Variants in TDRD12 observed in about 807,000 individuals in gnomAD.
TDRD12 encodes tudor domain containing 12.
In TDRD12, 158 loss-of-function variants were observed where a neutral mutation model predicts 133.5. That is an observed-to-expected ratio of 1.18 (90% CI 1.04 to 1.35). The LOEUF (loss-of-function observed/expected upper bound fraction) is 1.35. Among genes scored for constraint, TDRD12 ranks in the 40% most tolerant of loss-of-function variants. The pLI, the probability that TDRD12 is intolerant of heterozygous loss-of-function variation, is 0.00. For missense variants in TDRD12, 1,443 were observed against 1,321.3 expected, an observed-to-expected ratio of 1.09 and a Z score of -1.43; for synonymous variants, 460 against 477.9, an observed-to-expected ratio of 0.96 and a Z score of 0.49.
At position 32,753,922 on chromosome 19, in the gene TDRD12, AT is replaced by A. The variant is rs199559241; in HGVS notation, c.583-2068del. Among the ~76,000 whole-genome samples the A allele has an allele frequency of 3.5e-3, 528 of 152,138 alleles. 9 individuals carry two copies. Among genetic ancestry groups the A allele is most frequent in the Non-Finnish European group, 9.7e-4 (66 of 67,990 alleles). The stretch of plus-strand genomic sequence containing the variant: ...TGTATTCACATTAAGTAATTTCAGG[AT>A]TGCTAACCCACACTCCTGTGAAAAC... On this transcript the variant is annotated intron_variant, in intron 6 of 27. Coordinates refer to ENST00000444215, the Ensembl canonical transcript of TDRD12.
chr19:32,797,891 T>C (rs1971277163), exon 15 of TDRD12: 1 of 691,102 alleles, frequency 1.4e-6, no homozygotes, highest in Admixed American at 2.2e-5. Flanking sequence ...TCCAAGGGGC[T>C]GTAAGTATCC....
At chr19:32,765,726 CG>C (rs933100245) in intron 8 of TDRD12, among the ~76,000 whole-genome samples, 1 of 93,332 alleles carries the variant, frequency 1.1e-5, no homozygotes, top group African/African-American at 4.2e-5. Flanking sequence ...CATCACACAC[CG>C]GGGGCCTGTT....
chr19:32,720,068 G>C (rs1274952321), exon 1 of TDRD12: 1 of 1,548,564 alleles, frequency 6.5e-7, no homozygotes, highest in Admixed American at 2.0e-5. Context: ...TCGGGCGCCA[G>C]GAGGATGCTC....
In TDRD12 at chr19:32,757,065, A is replaced by C. The variant is rs921316854; in HGVS notation, c.800A>C (p.Gln267Pro). ...TCACATGGTGTAAATTTTCCGGCACAATCTCTGCAACATACATGGTGCAAG... is the reference window on the plus strand; with the variant it reads ...TCACATGGTGTAAATTTTCCGGCACCATCTCTGCAACATACATGGTGCAAG... The change falls in exon 8 of 28, where the codon CAA (glutamine) becomes CCA (proline). Residue 267 changes from glutamine (Q) to proline (P), a missense_variant. Transcript: ENST00000444215. The C allele has an allele frequency of 2.6e-6, 4 of 1,551,790 alleles. No homozygotes were observed. In the African/African-American group the frequency reaches 4.1e-5, roughly 16 times the overall value.
At chr19:32,743,050 C>A in intron 4 of TDRD12, 150 bp downstream of exon 4, 2 of 1,013,918 alleles carry the variant, frequency 2.0e-6, no homozygotes, top group South Asian at 1.8e-5. Context: ...TTTGTCTGAC[C>A]TGGCTGTGGT....
intron 14 of TDRD12, among the ~76,000 whole-genome samples, chr19:32,795,223 C>CT (rs1971189788): frequency 6.6e-6 from 1 of 151,354 alleles, no homozygotes; most frequent in African/African-American, 2.4e-5. Flanking sequence ...ATCCCAGCTA[C>CT]TTGGGAGGCT....
rs1971584285 is a variant in TDRD12, at chr19:32,807,371, C to T, written c.2553-178C>T. ...TTAATTAAAATGTAAAATCCATTTT[C>T]ACTTATTTGTATATTATTAATGTCA... On this transcript the variant is annotated intron_variant, in intron 21 of 27. Coordinates refer to ENST00000444215, the Ensembl canonical transcript of TDRD12. Among the ~76,000 whole-genome samples the T allele has an allele frequency of 2.7e-5, 4 of 147,014 alleles. No individual in the cohort carries two copies. The South Asian group carries it at 8.8e-4, about 32-fold the overall frequency.
intron 1 of TDRD12, among the ~76,000 whole-genome samples, chr19:32,723,575 T>C (rs1193082611): frequency 6.6e-6 from 1 of 151,604 alleles, no homozygotes; most frequent in East Asian, 1.9e-4. Context: ...TGAAGTCAGG[T>C]GATATGAGTC....
At chr19:32,823,617 G>A (rs764715991), downstream of TDRD12, among the ~76,000 whole-genome samples, 5 of 152,166 alleles carry the variant, frequency 3.3e-5, no homozygotes, top group Admixed American at 6.5e-5. Context: ...GCACATACAC[G>A]TTCTCTTCAT....
At chr19:32,804,468 C>A (rs1971486403) in intron 21 of TDRD12, among the ~76,000 whole-genome samples, 1 of 150,380 alleles carries the variant, frequency 6.6e-6, no homozygotes, top group South Asian at 2.1e-4. Flanking sequence ...CCGAGGCAGG[C>A]AGATCACAAG....
intron 8 of TDRD12, 89 bp downstream of exon 8, chr19:32,757,219 C>T: frequency 1.9e-6 from 2 of 1,054,008 alleles, no homozygotes; most frequent in South Asian, 2.9e-5. Context: ...TCTAGAAAGG[C>T]CATGGTAATT....
At chr19:32,737,136 T>C (rs780844502) in intron 2 of TDRD12, among the ~76,000 whole-genome samples, 3 of 152,202 alleles carry the variant, frequency 2.0e-5, no homozygotes, top group Non-Finnish European at 4.4e-5. Flanking sequence ...CACACCATCA[T>C]AATGTTGAAA....
chr19:32,764,141 C>A (rs1343615543), intron 8 of TDRD12, among the ~76,000 whole-genome samples: 1 of 108,748 alleles, frequency 9.2e-6, no homozygotes, highest in Admixed American at 1.3e-4. Flanking sequence ...GATGGAGTCT[C>A]ACCCTGTTGC....
chr19:32,804,932 G>C lies in TDRD12; in HGVS notation c.2552+1790G>C, dbSNP rs140986308. 4.4e-3 allele frequency among the ~76,000 whole-genome samples: 673 copies of C among 151,606 alleles called. 5 individuals carry two copies. The highest frequency in any genetic ancestry group is 0.015 in the African/African-American group (637 of 41,338). On this transcript the variant is annotated intron_variant, in intron 21 of 27. Transcript: ENST00000444215. ...AGTTGTCTATTTCAAGGTCATGAAGGCATTCTCCTATATTTCTAGAAGCTT... is the reference window on the plus strand; with the variant it reads ...AGTTGTCTATTTCAAGGTCATGAAGCCATTCTCCTATATTTCTAGAAGCTT...
At chr19:32,803,040 C>G (rs1019468917) in exon 21 of TDRD12, 1 of 1,536,096 alleles carries the variant, frequency 6.5e-7, no homozygotes, top group East Asian at 2.4e-5. Flanking sequence ...GCCAAGGTCC[C>G]CGCAGAGCTG....
rs1599603141 is a variant in TDRD12 at position 32,800,155 on chromosome 19, C to T, written c.1759-12C>T. 1.0e-5 allele frequency: 14 copies of T among 1,373,816 alleles called. No homozygotes were observed. In the East Asian group the frequency reaches 3.5e-4, roughly 34 times the overall value. 85.1% of individuals were successfully genotyped at this position (1,373,816 alleles called of 1,614,324 possible). A position where few individuals can be genotyped will look rare whatever the true frequency, so the allele number is the denominator to read the frequency against. ...TGAAATAAAAATGAAATTAATTATG[C>T]TAATTTTTCAGATGTTTGCTATATT... is the stretch of plus-strand genomic sequence containing the variant. On this transcript the variant is annotated splice_polypyrimidine_tract_variant and intron_variant, in intron 16 of 27. Transcript: ENST00000444215.
chr19:32,742,494 C>T (rs975395030), intron 3 of TDRD12, among the ~76,000 whole-genome samples: 19 of 152,200 alleles, frequency 1.2e-4, no homozygotes, highest in African/African-American at 4.3e-4. Context: ...TCCTAAACTC[C>T]TACCCCTAGG....
At chr19:32,766,494 C>A (rs1487786971) in intron 8 of TDRD12, among the ~76,000 whole-genome samples, 1 of 152,180 alleles carries the variant, frequency 6.6e-6, no homozygotes, top group Non-Finnish European at 1.5e-5. Context: ...CTTAATCTAG[C>A]ATCTTGCTGT....
At chr19:32,739,330 C>A (rs919237296) in intron 3 of TDRD12, among the ~76,000 whole-genome samples, 11 of 95,548 alleles carry the variant, frequency 1.2e-4, no homozygotes, top group African/African-American at 2.1e-4. Context: ...TCTGCATCTC[C>A]TGGCTACTCT....
Sources: gnomAD v4.1 joint callset for allele counts (sites outside exome capture counted in the v4.1 genomes callset) on GRCh38, gnomAD v4.1.1 for gene constraint, MANE v1.5 for transcripts, NCBI Gene and HGNC (gene_info 2026-07-23, HGNC 2026-07-21) for gene names.